RALGPS1: variants seen among roughly 807,000 people sequenced by gnomAD.
The protein encoded by RALGPS1 is ras-specific guanine nucleotide-releasing factor RalGPS1.
In RALGPS1, 19 loss-of-function variants were observed where a neutral mutation model predicts 78.8. That is an observed-to-expected ratio of 0.24 (90% confidence interval 0.17 to 0.35). The LOEUF is 0.35. RALGPS1 is among the 10% of genes least tolerant of loss of function. The pLI is 1.00. For synonymous variants in RALGPS1, 228 were observed against 256.3 expected (o/e 0.89, Z 1.06); for missense variants, 454 against 688.3 (o/e 0.66, Z 3.81).
At chr9:127,110,329 C>T (rs1420281391) in intron 8 of RALGPS1, among the ~76,000 whole-genome samples, 2 of 152,218 alleles carry the variant, frequency 1.3e-5, no homozygotes, top group Non-Finnish European at 2.9e-5. Context: ...TCTTGACCTT[C>T]CTTTCCAGAG....
chr9:127,120,988 C>G (rs995843236), intron 8 of RALGPS1, among the ~76,000 whole-genome samples: 15 of 152,134 alleles, frequency 9.9e-5, no homozygotes, highest in Non-Finnish European at 2.9e-5. Flanking sequence ...CTAGCTTTCT[C>G]CTAGAAAGCA....
intron 4 of RALGPS1, among the ~76,000 whole-genome samples, chr9:127,003,941 C>A (rs181166083): frequency 6.6e-6 from 1 of 152,180 alleles, no homozygotes. Flanking sequence ...ATGCAGAGTT[C>A]ACCTCAGCAC....
intron 1 of RALGPS1, among the ~76,000 whole-genome samples, chr9:126,960,157 C>T (rs2038736127): frequency 7.1e-6 from 1 of 141,688 alleles, no homozygotes; most frequent in Admixed American, 7.1e-5. Flanking sequence ...TCCCTTTCTT[C>T]CCTTCCTTCC....
intron 8 of RALGPS1, among the ~76,000 whole-genome samples, chr9:127,137,554 G>A (rs1430932010): frequency 3.3e-5 from 5 of 152,250 alleles, no homozygotes; most frequent in Non-Finnish European, 7.3e-5. Context: ...CTGGGACACA[G>A]CTGCAGCCTT....
chr9:126,917,673 G>A (rs1367885311), intron 1 of RALGPS1, among the ~76,000 whole-genome samples: 2 of 152,226 alleles, frequency 1.3e-5, no homozygotes, highest in Admixed American at 6.5e-5. Flanking sequence ...GAAGGCACCT[G>A]ATCCACCTGG....
chr9:127,140,004 C>CAT (rs2057661609), intron 8 of RALGPS1, among the ~76,000 whole-genome samples: 1 of 152,244 alleles, frequency 6.6e-6, no homozygotes, highest in South Asian at 2.1e-4. Flanking sequence ...GCAGAGATGA[C>CAT]ATGTGTTGAT....
chr9:126,945,247 G>A (rs2037148632), intron 1 of RALGPS1, among the ~76,000 whole-genome samples: 1 of 152,082 alleles, frequency 6.6e-6, no homozygotes, highest in African/African-American at 2.4e-5. Context: ...CACCCAGGCT[G>A]GAGTGCGGTG....
intron 4 of RALGPS1, among the ~76,000 whole-genome samples, chr9:127,014,994 A>G (rs1325980490): frequency 6.6e-6 from 1 of 152,192 alleles, no homozygotes; most frequent in African/African-American, 2.4e-5. Context: ...TGGTTTTGAG[A>G]CTTAAATAAA....
chr9:126,997,879 A>G (rs1169906548), intron 4 of RALGPS1, among the ~76,000 whole-genome samples: 1 of 152,192 alleles, frequency 6.6e-6, no homozygotes, highest in African/African-American at 2.4e-5. Context: ...ATCTACAACT[A>G]TCTGATCTTT....
At chr9:127,135,455 G>A (rs1001529785) in intron 8 of RALGPS1, among the ~76,000 whole-genome samples, 3 of 152,034 alleles carry the variant, frequency 2.0e-5, no homozygotes, top group African/African-American at 4.8e-5. Context: ...AACCAGCCCA[G>A]AGCAGGGGCC....
intron 11 of RALGPS1, among the ~76,000 whole-genome samples, chr9:127,178,822 T>C (rs1000926813): frequency 6.6e-6 from 1 of 152,250 alleles, no homozygotes; most frequent in African/African-American, 2.4e-5. Context: ...TACAGGCACA[T>C]GCTGGCCCTG....
intron 14 of RALGPS1, among the ~76,000 whole-genome samples, chr9:127,201,003 C>T (rs7021393): frequency 2.2e-3 from 329 of 152,340 alleles, no homozygotes; most frequent in Middle Eastern, 0.017. Flanking sequence ...AGACACCACA[C>T]GAGTTACTGA....
chr9:127,193,246 G>A (rs1366903199), intron 11 of RALGPS1, among the ~76,000 whole-genome samples: 1 of 152,226 alleles, frequency 6.6e-6, no homozygotes, highest in Non-Finnish European at 1.5e-5. Context: ...AAGGGTGGCT[G>A]TGAGAGAGAT....
At chr9:127,086,753 G>T (rs534765827) in intron 8 of RALGPS1, among the ~76,000 whole-genome samples, 8 of 152,144 alleles carry the variant, frequency 5.3e-5, no homozygotes, top group African/African-American at 1.9e-4. Context: ...TTAGGTTTTG[G>T]GGTTTCCTGT....
chr9:127,063,567 A>T (rs2049403004), intron 7 of RALGPS1, among the ~76,000 whole-genome samples: 1 of 152,116 alleles, frequency 6.6e-6, no homozygotes, highest in African/African-American at 2.4e-5. Context: ...TCATTTCTAT[A>T]GGTTTGATAT....
At chr9:127,150,609 C>A (rs530565098) in intron 8 of RALGPS1, among the ~76,000 whole-genome samples, 300 of 152,322 alleles carry the variant, frequency 2.0e-3, no homozygotes, top group Admixed American at 4.4e-3. Flanking sequence ...GATGCTCGTG[C>A]TCAGGGAGTT....
chr9:126,920,001 C>G (rs1371670777), intron 1 of RALGPS1, among the ~76,000 whole-genome samples: 1 of 152,134 alleles, frequency 6.6e-6, no homozygotes, highest in Non-Finnish European at 1.5e-5. Context: ...CAGGCACCCT[C>G]CTATTTGTAC....
At chr9:127,138,628 A>T (rs183452143) in intron 8 of RALGPS1, among the ~76,000 whole-genome samples, 15 of 152,318 alleles carry the variant, frequency 9.8e-5, no homozygotes, top group Admixed American at 2.6e-4. Flanking sequence ...AGCCCTGCAG[A>T]GCCACAGAAT....
chr9:127,016,093 G>A (rs1032569750), intron 4 of RALGPS1, among the ~76,000 whole-genome samples: 3 of 151,048 alleles, frequency 2.0e-5, no homozygotes, highest in African/African-American at 7.3e-5. Context: ...TCTGTTCCCA[G>A]GCTCCCTCCT....
Sources: allele counts gnomAD v4.1 joint callset (sites outside exome capture counted in the v4.1 genomes callset), GRCh38; gene constraint gnomAD v4.1.1; transcripts MANE v1.5; gene names NCBI Gene and HGNC (gene_info 2026-07-23, HGNC 2026-07-21).